The following ADK variants were observed in gnomAD, a reference collection of about 807,000 sequenced individuals.
ADK encodes the protein adenosine kinase.
A neutral mutation model predicts 44.7 loss-of-function variants in ADK; 24 were observed. That is an observed-to-expected ratio of 0.54 (90% CI 0.39 to 0.76). ADK has a LOEUF of 0.76. Among genes scored for constraint, ADK ranks in the 30% least tolerant of loss-of-function variants. The pLI, the probability that ADK is intolerant of heterozygous loss-of-function variation, is 0.00. For missense variants in ADK, 321 were observed against 425.1 expected (o/e 0.76, Z 2.15); for synonymous variants, 128 against 142.6 (o/e 0.90, Z 0.73).
chr10:74,184,321 A>G (rs1017792408), intron 1 of ADK, among the ~76,000 whole-genome samples: 1 of 151,958 alleles, frequency 6.6e-6, no homozygotes, highest in Non-Finnish European at 1.5e-5. Context: ...TCCTGACATT[A>G]TTATTTATTA....
chr10:74,167,605 T>G (rs1842065123), intron 1 of ADK, among the ~76,000 whole-genome samples: 1 of 152,168 alleles, frequency 6.6e-6, no homozygotes, highest in Non-Finnish European at 1.5e-5. Flanking sequence ...TTCAGCTGGG[T>G]AGTTGGACTT....
intron 3 of ADK, among the ~76,000 whole-genome samples, chr10:74,284,152 G>T (rs1847061490): frequency 6.7e-6 from 1 of 150,246 alleles, no homozygotes; most frequent in African/African-American, 2.5e-5. Context: ...TAGAGACAGG[G>T]TTTCTCCATG....
At position 74,277,013 on chromosome 10, in the gene ADK, G is replaced by C. The variant is rs556717819; in HGVS notation, c.195-37654G>C. On this transcript the variant is annotated intron_variant, in intron 3 of 10. Transcript: ENST00000539909. ...GCTCACTGCAAACTCCACTTCCCCAGTTCAAGCGATTCTCCTGCCTCAGCC... is the reference window on the plus strand; with the variant it reads ...GCTCACTGCAAACTCCACTTCCCCACTTCAAGCGATTCTCCTGCCTCAGCC... Among the ~76,000 whole-genome samples the C allele has an allele frequency of 2.0e-5, 3 of 152,140 alleles. No individual in the cohort carries two copies. The East Asian group carries it at 5.8e-4, about 29-fold the overall frequency.
chr10:74,249,526 C>G (rs534971215), intron 3 of ADK, among the ~76,000 whole-genome samples: 136 of 144,368 alleles, frequency 9.4e-4, no homozygotes, highest in African/African-American at 3.2e-3. Context: ...CACACACACA[C>G]AGTTTTATTT....
chr10:74,632,497 C>G (rs918947652), intron 9 of ADK, among the ~76,000 whole-genome samples: 9 of 152,186 alleles, frequency 5.9e-5, no homozygotes, highest in African/African-American at 1.7e-4. Flanking sequence ...CTCTTCCTAG[C>G]TACTGGGCTC....
chr10:74,409,918 G>A (rs975597854), intron 6 of ADK, among the ~76,000 whole-genome samples: 2 of 152,084 alleles, frequency 1.3e-5, no homozygotes, highest in Non-Finnish European at 2.9e-5. Flanking sequence ...CCTATGCCAT[G>A]AGTAACAATT....
intron 2 of ADK, among the ~76,000 whole-genome samples, chr10:74,218,169 CT>C (rs1844139643): frequency 6.6e-6 from 1 of 152,014 alleles, no homozygotes; most frequent in African/African-American, 2.4e-5. Flanking sequence ...CAGAGAAGTG[CT>C]TAAAGGAGCT....
intron 7 of ADK, among the ~76,000 whole-genome samples, chr10:74,537,763 A>G (rs1024030739): frequency 6.6e-6 from 1 of 152,198 alleles, no homozygotes. Flanking sequence ...TGCTTTGTCA[A>G]GAGTTACCAC....
chr10:74,575,385 C>G lies in ADK; in HGVS notation c.727-13897C>G, dbSNP rs555607314. ...TAAAAGAAGCCTTTACAACTTGAGC[C>G]AAATTCTTTTACAATGCAGAAAGCC... On this transcript the variant is annotated intron_variant, in intron 7 of 10. Coordinates refer to ENST00000539909, the MANE Select transcript of ADK (RefSeq NM_006721.4). Among the ~76,000 whole-genome samples the G allele has an allele frequency of 5.9e-5, 9 of 152,196 alleles. No individual in the cohort carries two copies. In the South Asian group the frequency reaches 1.9e-3, roughly 32 times the overall value.
At chr10:74,316,859 A>T (rs1840639234) in intron 4 of ADK, among the ~76,000 whole-genome samples, 1 of 150,662 alleles carries the variant, frequency 6.6e-6, no homozygotes, top group South Asian at 2.1e-4. Flanking sequence ...GTCTCATAAT[A>T]AAACAGTCAT....
intron 1 of ADK, among the ~76,000 whole-genome samples, chr10:74,175,528 G>A (rs1226377036): frequency 2.0e-5 from 3 of 151,950 alleles, no homozygotes; most frequent in African/African-American, 2.4e-5. Context: ...TTTCAATATC[G>A]GATGGTATTG....
chr10:74,326,752 A>G (rs972259230), intron 4 of ADK, among the ~76,000 whole-genome samples: 2 of 152,020 alleles, frequency 1.3e-5, no homozygotes, highest in African/African-American at 4.8e-5. Flanking sequence ...AATTTTCTAT[A>G]TCTTCGTAAT....
intron 7 of ADK, among the ~76,000 whole-genome samples, chr10:74,562,852 G>A (rs1191051145): frequency 6.6e-6 from 1 of 152,166 alleles, no homozygotes; most frequent in Admixed American, 6.5e-5. Context: ...TGTGAACCAG[G>A]TTGAGGGTAA....
chr10:74,423,804 C>A (rs1288772834), intron 6 of ADK: 1 of 317,196 alleles, frequency 3.2e-6, no homozygotes, highest in East Asian at 9.1e-5. Flanking sequence ...GATACCGCTC[C>A]TGTCCAGCGC....
intron 4 of ADK, among the ~76,000 whole-genome samples, chr10:74,361,300 T>A (rs1225262536): frequency 6.6e-6 from 1 of 152,248 alleles, no homozygotes; most frequent in Admixed American, 6.5e-5. Flanking sequence ...GTTTTCTAGT[T>A]GTTTTTAACT....
intron 4 of ADK, among the ~76,000 whole-genome samples, chr10:74,315,344 C>T (rs1012508827): frequency 4.6e-5 from 7 of 152,004 alleles, no homozygotes; most frequent in Non-Finnish European, 8.8e-5. Flanking sequence ...TATGTATATG[C>T]ATCTATATAT....
At chr10:74,155,568 C>T (rs1237742448) in intron 1 of ADK, among the ~76,000 whole-genome samples, 4 of 152,120 alleles carry the variant, frequency 2.6e-5, no homozygotes, top group African/African-American at 9.7e-5. Context: ...CTCGCTCTGT[C>T]GCCCAGGCTG....
At chr10:74,327,583 G>A (rs913591696) in intron 4 of ADK, among the ~76,000 whole-genome samples, 20 of 152,070 alleles carry the variant, frequency 1.3e-4, no homozygotes, top group Admixed American at 4.6e-4. Flanking sequence ...TGTTGCTTAA[G>A]TGGGGTGCTG....
intron 1 of ADK, among the ~76,000 whole-genome samples, chr10:74,181,630 A>G (rs1185529923): frequency 6.6e-6 from 1 of 152,166 alleles, no homozygotes; most frequent in Non-Finnish European, 1.5e-5. Context: ...TTCCTTTTCT[A>G]TACTGGATCT....
Sources: allele counts gnomAD v4.1 joint callset (sites outside exome capture counted in the v4.1 genomes callset), GRCh38; gene constraint gnomAD v4.1.1; transcripts MANE v1.5; gene names NCBI Gene and HGNC (gene_info 2026-07-23, HGNC 2026-07-21).